ITPRID1: variants seen among roughly 807,000 people sequenced by gnomAD.
ITPRID1 encodes protein ITPRID1.
A neutral mutation model predicts 95.4 loss-of-function variants in ITPRID1; 96 were observed. The ratio of observed to expected loss-of-function variants is 1.01; its 90% confidence interval spans 0.85 to 1.19. The LOEUF is 1.19. Among genes scored for constraint, ITPRID1 ranks in the 50% most tolerant of loss-of-function variants. The pLI is 0.00. For synonymous variants in ITPRID1, 510 were observed against 453.6 expected (o/e 1.12, Z -1.58); for missense variants, 1,339 against 1,252.9 (o/e 1.07, Z -1.04).
chr7:31,547,306 C>A (rs986169831), intron 1 of ITPRID1, among the ~76,000 whole-genome samples: 1 of 152,108 alleles, frequency 6.6e-6, no homozygotes, highest in East Asian at 1.9e-4. Flanking sequence ...AAGAAATACT[C>A]GAGACTGGGT....
intron 10 of ITPRID1, among the ~76,000 whole-genome samples, chr7:31,641,224 A>T (rs1789985345): frequency 6.6e-6 from 1 of 152,222 alleles, no homozygotes; most frequent in African/African-American, 2.4e-5. Flanking sequence ...CTTCGTCAGC[A>T]GTTGTTCAAG....
intron 3 of ITPRID1, among the ~76,000 whole-genome samples, chr7:31,553,473 T>C (rs1036577323): frequency 1.3e-5 from 2 of 152,178 alleles, no homozygotes; most frequent in African/African-American, 2.4e-5. Context: ...ACTTTGAAGC[T>C]GTGTGGGGTC....
intron 1 of ITPRID1, chr7:31,517,259 C>T (rs1050570432): frequency 2.6e-5 from 4 of 152,078 alleles, no homozygotes; most frequent in African/African-American, 4.8e-5. Flanking sequence ...TTTTACACAG[C>T]GCTGATTAGT....
Position 31,593,444 on chromosome 7 carries a change from GA to G in ITPRID1, c.1228+10254del, listed in dbSNP as rs1161303809. Among the ~76,000 whole-genome samples the G allele has an allele frequency of 2.1e-4, 32 of 152,298 alleles. No homozygotes were observed. In the South Asian group the frequency reaches 5.8e-3, roughly 28 times the overall value. ...CAATGAGAAAAACAATATCTTATTA[GA>G]TATGGTGAATGGAAATACATAGGCA... On this transcript the variant is annotated intron_variant, in intron 10 of 14. Coordinates refer to ENST00000615280, the MANE Select transcript of ITPRID1 (RefSeq NM_001257967.3).
chr7:31,637,620 T>C (rs1182106515), intron 10 of ITPRID1, among the ~76,000 whole-genome samples: 1 of 152,196 alleles, frequency 6.6e-6, no homozygotes, highest in Non-Finnish European at 1.5e-5. Context: ...GAGTTCATTG[T>C]AGATTCTGGA....
chr7:31,647,102 G>A (rs1388447458), intron 12 of ITPRID1, among the ~76,000 whole-genome samples: 1 of 152,238 alleles, frequency 6.6e-6, no homozygotes, highest in African/African-American at 2.4e-5. Context: ...GTGCTGGAAA[G>A]CAAGTGGAAA....
Position 31,552,983 on chromosome 7 carries a change from T to C in ITPRID1, c.-23-19T>C. 1 of 1,569,200 alleles carries C rather than the reference T, an allele frequency of 6.4e-7. No individual in the cohort carries two copies. The highest frequency in any genetic ancestry group is 1.4e-5 in the African/African-American group (1 of 73,922). ...CTGAACTCATCGTGTCTGATTTGTT[T>C]GTGTGTGTGTGTTTTAAGTTAGTTT... On this transcript the variant is annotated intron_variant, in intron 2 of 14. Coordinates refer to ENST00000615280, the MANE Select transcript of ITPRID1 (RefSeq NM_001257967.3).
At chr7:31,520,378 C>A (rs896725163) in intron 1 of ITPRID1, among the ~76,000 whole-genome samples, 1 of 152,074 alleles carries the variant, frequency 6.6e-6, no homozygotes, top group African/African-American at 2.4e-5. Context: ...ACATCGCACA[C>A]CCAAGAAGTG....
chr7:31,653,688 C>T lies in ITPRID1; in HGVS notation c.*859C>T, dbSNP rs1351313146. The T allele has an allele frequency of 6.6e-6, 1 of 152,150 alleles. No individual in the cohort carries two copies. Among genetic ancestry groups the T allele is most frequent in the Non-Finnish European group, 1.5e-5 (1 of 68,032 alleles). 9.4% of individuals were successfully genotyped at this position (152,150 alleles called of 1,614,324 possible). On this transcript the variant is annotated 3_prime_UTR_variant, in exon 15 of 15. Transcript: ENST00000615280. ...GGAGGCAGATTGCCTGATGCAGCTCCTAACTTGACTTTTCCCTTTTACTTC... is the reference window on the plus strand; with the variant it reads ...GGAGGCAGATTGCCTGATGCAGCTCTTAACTTGACTTTTCCCTTTTACTTC...
At chr7:31,578,835 A>G (rs1583524826) in intron 9 of ITPRID1, among the ~76,000 whole-genome samples, 1 of 152,078 alleles carries the variant, frequency 6.6e-6, no homozygotes, top group African/African-American at 2.4e-5. Context: ...CTGTGTTCTC[A>G]TTGCTTTAGC....
chr7:31,553,278 A>C, intron 3 of ITPRID1, 91 bp downstream of exon 3: 1 of 1,252,786 alleles, frequency 8.0e-7, no homozygotes, highest in Non-Finnish European at 1.1e-6. Context: ...TGATTTTGGA[A>C]CAAAAGTATT....
At chr7:31,620,837 G>T (rs930372287) in intron 10 of ITPRID1, among the ~76,000 whole-genome samples, 2 of 152,060 alleles carry the variant, frequency 1.3e-5, no homozygotes, top group African/African-American at 4.8e-5. Context: ...CAAACCAAAG[G>T]CAAAGAAGTT....
rs1786932908 is a variant in ITPRID1 at position 31,612,731 on chromosome 7, A to G, written c.1229-29445A>G. On this transcript the variant is annotated intron_variant, in intron 10 of 14. Coordinates refer to ENST00000615280, the MANE Select transcript of ITPRID1 (RefSeq NM_001257967.3). ...CTCCACCTATTTACAACTCAGTGTTAGTCTTCCCTTCTTGTTTGTGCAGCC... is the reference window on the plus strand; with the variant it reads ...CTCCACCTATTTACAACTCAGTGTTGGTCTTCCCTTCTTGTTTGTGCAGCC... 2.0e-5 allele frequency among the ~76,000 whole-genome samples: 3 copies of G among 152,178 alleles called. No individual in the cohort carries two copies. The South Asian group carries it at 6.2e-4, about 32-fold the overall frequency.
At chr7:31,549,327 T>C in intron 1 of ITPRID1, 99 bp from the exon 2 acceptor site, 1 of 789,136 alleles carries the variant, frequency 1.3e-6, no homozygotes, top group Non-Finnish European at 1.8e-6. Flanking sequence ...AACTAAGTAA[T>C]TTCAAGACAA....
intron 1 of ITPRID1, among the ~76,000 whole-genome samples, chr7:31,543,540 G>A (rs1009753251): frequency 5.3e-5 from 8 of 151,934 alleles, no homozygotes; most frequent in African/African-American, 1.2e-4. Flanking sequence ...TAAATTGAGC[G>A]TCTTCATATG....
intron 1 of ITPRID1, among the ~76,000 whole-genome samples, chr7:31,523,765 C>T (rs547860808): frequency 2.0e-4 from 31 of 152,268 alleles, no homozygotes; most frequent in Admixed American, 1.5e-3. Flanking sequence ...TACCCAGTCT[C>T]GGGTATTTAT....
chr7:31,651,888 G>T, intron 13 of ITPRID1, 51 bp from the exon 14 acceptor site: 1 of 1,298,452 alleles, frequency 7.7e-7, no homozygotes, highest in South Asian at 1.3e-5. Context: ...ATGGAAGATT[G>T]CACCTGGGAA....
intron 10 of ITPRID1, among the ~76,000 whole-genome samples, chr7:31,603,053 A>T (rs777781891): frequency 3.9e-5 from 6 of 151,978 alleles, no homozygotes; most frequent in Non-Finnish European, 5.9e-5. Flanking sequence ...GCCACACTTC[A>T]TAAAGTCGAG....
chr7:31,624,435 T>C (rs1788240960), intron 10 of ITPRID1, among the ~76,000 whole-genome samples: 1 of 128,640 alleles, frequency 7.8e-6, no homozygotes, highest in South Asian at 3.0e-4. Flanking sequence ...TATAGATCAA[T>C]GGAACAGAAC....
Sources: gnomAD v4.1 joint callset for allele counts (sites outside exome capture counted in the v4.1 genomes callset) on GRCh38, gnomAD v4.1.1 for gene constraint, MANE v1.5 for transcripts, NCBI Gene and HGNC (gene_info 2026-07-23, HGNC 2026-07-21) for gene names.